ECM2: variants seen among roughly 807,000 people sequenced by gnomAD.
ECM2 encodes the protein extracellular matrix protein 2.
A neutral mutation model predicts 67.5 loss-of-function variants in ECM2; 57 were observed. The observed-to-expected ratio is 0.84, with a 90% CI of 0.68 to 1.05. The LOEUF is 1.05. Among genes scored for constraint, ECM2 ranks in the 50% least tolerant of loss-of-function variants. ECM2 has a pLI of 0.00. For synonymous variants in ECM2, 258 were observed against 294.5 expected (o/e 0.88, Z 1.27); for missense variants, 741 against 822.8 (o/e 0.90, Z 1.22).
the ECM2 span, among the ~76,000 whole-genome samples, chr9:92,554,791 C>T: frequency 6.6e-6 from 1 of 152,134 alleles, no homozygotes; most frequent in African/African-American, 2.4e-5. Context: ...GCGCCTGCCA[C>T]TGCGCCCGGC....
chr9:92,516,839 C>A (rs1263400407), intron 3 of ECM2: 3 of 152,154 alleles, frequency 2.0e-5, no homozygotes, highest in Non-Finnish European at 4.4e-5. Context: ...TCTAAATAGT[C>A]AAAAGTTTTT....
intron 4 of ECM2, among the ~76,000 whole-genome samples, chr9:92,514,274 CTTT>C (rs1044226766): frequency 8.4e-5 from 11 of 130,728 alleles, no homozygotes; most frequent in Middle Eastern, 3.5e-3. Flanking sequence ...GAGTCATTTA[CTTT>C]TTTTTTTTTT....
rs1014858512 is a variant in ECM2 at position 92,495,994 on chromosome 9, T to G, written c.*321A>C. 4.7e-5 allele frequency: 47 copies of G among 996,370 alleles called. No homozygotes were observed. The highest frequency in any genetic ancestry group is 5.5e-5 in the Non-Finnish European group (46 of 837,672). The allele number at this position is 996,370 out of a possible 1,614,324, so 61.7% of individuals were successfully genotyped here. On this transcript the variant is annotated 3_prime_UTR_variant, in exon 10 of 10. Coordinates refer to ENST00000344604, the MANE Select transcript of ECM2 (RefSeq NM_001393.4). ...CAGAGTTCTCAGCTAACACCAGTAT[T>G]CAAGTTGATTATAAAGGCTGTGTTT... is the stretch of plus-strand genomic sequence containing the variant.
At chr9:92,543,903 T>C in the ECM2 span, among the ~76,000 whole-genome samples, 3 of 152,232 alleles carry the variant, frequency 2.0e-5, no homozygotes, top group African/African-American at 7.2e-5. Context: ...GCAAACTTTA[T>C]TGAATTCATT....
chr9:92,546,580 C>T, the ECM2 span, among the ~76,000 whole-genome samples: 43 of 152,180 alleles, frequency 2.8e-4, no homozygotes, highest in African/African-American at 9.9e-4. Flanking sequence ...AGCGAGACCA[C>T]GAACCCACCA....
chr9:92,529,798 G>A (rs887647075), intron 1 of ECM2, among the ~76,000 whole-genome samples: 15 of 152,158 alleles, frequency 9.9e-5, no homozygotes, highest in Non-Finnish European at 1.8e-4. Context: ...AATTTGGGGC[G>A]GAGAGGGATG....
chr9:92,557,978 C>T, the ECM2 span, among the ~76,000 whole-genome samples: 4 of 152,080 alleles, frequency 2.6e-5, no homozygotes, highest in African/African-American at 9.7e-5. Context: ...TCCAAAGTTT[C>T]CTGAGTTTTT....
the ECM2 span, among the ~76,000 whole-genome samples, chr9:92,543,730 G>A: frequency 3.3e-5 from 5 of 152,102 alleles, no homozygotes; most frequent in Non-Finnish European, 7.4e-5. Flanking sequence ...TTTCATCAGC[G>A]ATTTATAGGT....
intron 2 of ECM2, among the ~76,000 whole-genome samples, 158 bp from the exon 3 acceptor site, chr9:92,518,033 A>G (rs1847832762): frequency 6.6e-6 from 1 of 152,224 alleles, no homozygotes; most frequent in Admixed American, 6.5e-5. Context: ...TAGACATAAG[A>G]AATGCTGAAA....
At chr9:92,513,996 A>G (rs1847521684) in intron 4 of ECM2, among the ~76,000 whole-genome samples, 1 of 152,238 alleles carries the variant, frequency 6.6e-6, no homozygotes, top group South Asian at 2.1e-4. Context: ...CCTAACTGCT[A>G]TTCTGCAGTA....
the ECM2 span, among the ~76,000 whole-genome samples, chr9:92,553,306 G>A: frequency 1.3e-5 from 2 of 152,130 alleles, no homozygotes; most frequent in Non-Finnish European, 2.9e-5. Flanking sequence ...CTGTTTTGGT[G>A]ACTGTGGCCT....
chr9:92,546,727 C>A, the ECM2 span, among the ~76,000 whole-genome samples: 2 of 152,184 alleles, frequency 1.3e-5, no homozygotes, highest in South Asian at 2.1e-4. Context: ...CCCAGCAGTT[C>A]TGCACACAAT....
intron 2 of ECM2, among the ~76,000 whole-genome samples, chr9:92,519,318 C>T (rs1427832731): frequency 1.3e-5 from 2 of 152,144 alleles, no homozygotes; most frequent in Non-Finnish European, 2.9e-5. Context: ...AAAAGCTGAT[C>T]CTTAAATTCA....
At chr9:92,503,076 G>A (rs2131160494) in intron 7 of ECM2, among the ~76,000 whole-genome samples, 1 of 151,950 alleles carries the variant, frequency 6.6e-6, no homozygotes, top group South Asian at 2.1e-4. Context: ...CCAAAGTGCT[G>A]GAATTACAGG....
At chr9:92,524,579 C>T (rs1848276705) in intron 1 of ECM2, among the ~76,000 whole-genome samples, 1 of 152,164 alleles carries the variant, frequency 6.6e-6, no homozygotes, top group Admixed American at 6.5e-5. Flanking sequence ...CACACATACT[C>T]ACATACACAC....
intron 4 of ECM2, among the ~76,000 whole-genome samples, chr9:92,514,338 A>G (rs1847549374): frequency 6.7e-6 from 1 of 149,976 alleles, no homozygotes. Context: ...ACAGTGGCTC[A>G]ATCTCAGCTC....
intron 8 of ECM2, 146 bp from the exon 9 acceptor site, chr9:92,501,199 G>T: frequency 1.3e-6 from 1 of 794,896 alleles, no homozygotes; most frequent in Non-Finnish European, 2.0e-6. Flanking sequence ...AACTTTTCCA[G>T]GTATAGCCAG....
the ECM2 span, among the ~76,000 whole-genome samples, chr9:92,555,297 A>G: frequency 2.3e-5 from 3 of 129,598 alleles, no homozygotes; most frequent in East Asian, 6.9e-4. Context: ...GCGTGATCTC[A>G]GCTCACCACA....
chr9:92,527,802 C>T (rs899334337), intron 1 of ECM2, among the ~76,000 whole-genome samples: 18 of 152,048 alleles, frequency 1.2e-4, no homozygotes, highest in Non-Finnish European at 1.3e-4. Flanking sequence ...CATCCTGGGT[C>T]CTTGGCCTAA....
Sources: gnomAD v4.1 joint callset for allele counts (sites outside exome capture counted in the v4.1 genomes callset) on GRCh38, gnomAD v4.1.1 for gene constraint, MANE v1.5 for transcripts, NCBI Gene and HGNC (gene_info 2026-07-23, HGNC 2026-07-21) for gene names.